Variants in TENM4 observed in about 807,000 individuals in gnomAD.
TENM4 encodes teneurin transmembrane protein 4, also known as teneurin-4.
TENM4 carries 82 observed loss-of-function variants against 243.3 expected under a neutral mutation model. That is an observed-to-expected ratio of 0.34 (90% CI 0.28 to 0.40). The LOEUF (loss-of-function observed/expected upper bound fraction) is 0.40. Ranked by LOEUF, TENM4 falls within the 10% of genes least tolerant of loss-of-function variation. The pLI, the probability that TENM4 is intolerant of heterozygous loss-of-function variation, is 1.00. For missense variants in TENM4, 3,138 were observed against 3,673.3 expected (o/e 0.85, Z 3.77); for synonymous variants, 1,412 against 1,456.3 (o/e 0.97, Z 0.69).
rs184269747 is a variant in TENM4 at position 79,141,814 on chromosome 11, T to C, written c.-66+6896A>G. On this transcript the variant is annotated intron_variant, in intron 4 of 33. Coordinates refer to ENST00000278550, the MANE Select transcript of TENM4 (RefSeq NM_001098816.3). The stretch of plus-strand genomic sequence containing the variant: ...TCACTCATCATAACCAAGTGGAATT[T>C]ATTCCCAGATGCAAGGATGGTTCAA... Among the ~76,000 whole-genome samples the C allele has an allele frequency of 7.2e-5, 11 of 152,242 alleles. No individual in the cohort carries two copies. In the East Asian group the frequency reaches 2.1e-3, roughly 29 times the overall value.
chr11:78,941,068 A>C (rs1212912303), intron 6 of TENM4, among the ~76,000 whole-genome samples: 1 of 152,206 alleles, frequency 6.6e-6, no homozygotes, highest in African/African-American at 2.4e-5. Context: ...TGTCCCCCGC[A>C]AGCCAATGGA....
chr11:78,930,088 A>G (rs1295930069), intron 6 of TENM4, among the ~76,000 whole-genome samples: 3 of 152,144 alleles, frequency 2.0e-5, no homozygotes, highest in African/African-American at 2.4e-5. Flanking sequence ...CCAAGGGAAA[A>G]TGGTGCTCAG....
intron 28 of TENM4, among the ~76,000 whole-genome samples, chr11:78,697,003 G>A (rs1046617701): frequency 6.6e-6 from 1 of 152,178 alleles, no homozygotes; most frequent in African/African-American, 2.4e-5. Context: ...CAGGGTCTGG[G>A]TAGAGTGGTC....
intron 6 of TENM4, among the ~76,000 whole-genome samples, chr11:78,968,980 T>C (rs764838272): frequency 2.7e-4 from 41 of 152,220 alleles, no homozygotes; most frequent in Non-Finnish European, 3.4e-4. Flanking sequence ...TGACCTTTGA[T>C]AAGTCACTTT....
intron 1 of TENM4, among the ~76,000 whole-genome samples, chr11:79,317,584 T>C (rs1481668989): frequency 1.3e-5 from 2 of 152,264 alleles, no homozygotes; most frequent in Middle Eastern, 3.4e-3. Flanking sequence ...ATTACAATCC[T>C]TATTTTCAGA....
In TENM4 at chr11:78,686,021, C is replaced by T. The variant is rs117839511; in HGVS notation, c.5260+2033G>A. On this transcript the variant is annotated intron_variant, in intron 29 of 33. Transcript: ENST00000278550. ...ACAATCTCTCTGCCTCTCTCTCTGA[C>T]CTTCTCCTGCCCTCCTCTCCAAGGC... Among the ~76,000 whole-genome samples the T allele has an allele frequency of 6.7e-3, 1,028 of 152,354 alleles. 3 individuals are homozygous for T. The highest frequency in any genetic ancestry group is 0.011 in the Non-Finnish European group (756 of 68,024).
intron 18 of TENM4, among the ~76,000 whole-genome samples, chr11:78,765,775 A>G (rs1329959401): frequency 2.6e-5 from 4 of 152,196 alleles, no homozygotes; most frequent in African/African-American, 7.2e-5. Flanking sequence ...AAGGCTGGAG[A>G]TGATGTACGC....
At chr11:78,846,005 C>A (rs1199680088) in intron 12 of TENM4, among the ~76,000 whole-genome samples, 1 of 152,158 alleles carries the variant, frequency 6.6e-6, no homozygotes, top group Non-Finnish European at 1.5e-5. Flanking sequence ...ATGCCATGGT[C>A]TCTAAGACCC....
intron 4 of TENM4, among the ~76,000 whole-genome samples, chr11:79,129,239 C>T (rs965144822): frequency 5.9e-5 from 9 of 152,150 alleles, no homozygotes; most frequent in Admixed American, 1.3e-4. Flanking sequence ...CCCAAGCAGG[C>T]CATTCCTGCC....
chr11:78,670,200 C>T lies in TENM4; in HGVS notation c.6145G>A (p.Glu2049Lys), dbSNP rs1397213173. 1.9e-6 allele frequency: 3 copies of T among 1,613,776 alleles called. No individual in the cohort carries two copies. In the Admixed American group the frequency reaches 5.0e-5, roughly 27 times the overall value. ...TAGCGGATGGTGCAGGTGAAGCCCTCATTCTGTAGGTTGATGGTCTTCAGC... is the reference window on the plus strand; with the variant it reads ...TAGCGGATGGTGCAGGTGAAGCCCTTATTCTGTAGGTTGATGGTCTTCAGC... ...GMLKTINLQNEGFTCTIRYRQ... is the reference protein window; with the variant it reads ...GMLKTINLQNKGFTCTIRYRQ... The change falls in exon 32 of 34, where the codon GAG (glutamate) becomes AAG (lysine). Residue 2049 changes from glutamate (E) to lysine (K), a missense_variant. Glu to Lys is a moderately conservative substitution (Grantham distance 56). Coordinates refer to ENST00000278550, the MANE Select transcript of TENM4 (RefSeq NM_001098816.3).
intron 29 of TENM4, among the ~76,000 whole-genome samples, chr11:78,684,743 A>G (rs1590936379): frequency 6.6e-6 from 1 of 152,236 alleles, no homozygotes; most frequent in Non-Finnish European, 1.5e-5. Context: ...TGCAGAAAAC[A>G]GAGACAATAA....
chr11:78,938,694 A>C, intron 6 of TENM4, among the ~76,000 whole-genome samples: 1 of 152,354 alleles, frequency 6.6e-6, no homozygotes, highest in African/African-American at 2.4e-5. Context: ...TGTTGCAAGC[A>C]GAACCCTTGT....
chr11:79,158,140 G>A (rs1242815416), intron 3 of TENM4, among the ~76,000 whole-genome samples: 2 of 152,192 alleles, frequency 1.3e-5, no homozygotes, highest in Admixed American at 6.5e-5. Context: ...CCTAATCTCT[G>A]CTTAGGACTT....
intron 1 of TENM4, among the ~76,000 whole-genome samples, chr11:79,367,943 T>C (rs970100804): frequency 3.3e-5 from 5 of 152,154 alleles, no homozygotes; most frequent in African/African-American, 9.7e-5. Flanking sequence ...CAATAATAAG[T>C]GATAATCACT....
chr11:78,961,060 T>G (rs58515426), intron 6 of TENM4, among the ~76,000 whole-genome samples: 4,906 of 152,358 alleles, frequency 0.032, 268 homozygotes, highest in African/African-American at 0.11. Context: ...AAAGCTTGTA[T>G]GTAATTCAAA....
chr11:79,430,531 G>C (rs937414523), intron 1 of TENM4, among the ~76,000 whole-genome samples: 1 of 152,188 alleles, frequency 6.6e-6, no homozygotes, highest in African/African-American at 2.4e-5. Flanking sequence ...AGTGGCACAA[G>C]CACAAAAGGA....
intron 6 of TENM4, among the ~76,000 whole-genome samples, chr11:78,914,111 T>C (rs1388221151): frequency 6.6e-6 from 1 of 152,218 alleles, no homozygotes; most frequent in Admixed American, 6.5e-5. Flanking sequence ...CGGTCCTAGA[T>C]GGAAGAACTA....
At chr11:79,138,580 A>T (rs1467110946) in intron 4 of TENM4, among the ~76,000 whole-genome samples, 1 of 64,670 alleles carries the variant, frequency 1.5e-5, no homozygotes, top group Non-Finnish European at 2.7e-5. Flanking sequence ...ATATATTTAT[A>T]TAAATACATA....
At chr11:79,276,946 CAT>C (rs1475581423) in intron 2 of TENM4, among the ~76,000 whole-genome samples, 2 of 152,096 alleles carry the variant, frequency 1.3e-5, no homozygotes, top group Non-Finnish European at 2.9e-5. Flanking sequence ...GGGCTGAAGA[CAT>C]AGATTCCAAA....
Sources: allele counts gnomAD v4.1 joint callset (sites outside exome capture counted in the v4.1 genomes callset), GRCh38; gene constraint gnomAD v4.1.1; transcripts MANE v1.5; gene names NCBI Gene and HGNC (gene_info 2026-07-23, HGNC 2026-07-21).